The following ADSL variants were observed in gnomAD, a reference collection of about 807,000 sequenced individuals.
The protein encoded by ADSL is adenylosuccinate lyase, also known as adenylosuccinase.
Under a neutral mutation model 62.1 loss-of-function variants are expected in ADSL, and 44 were observed. The ratio of observed to expected loss-of-function variants is 0.71; its 90% CI spans 0.56 to 0.91. ADSL has a LOEUF of 0.91. Ranked by LOEUF, ADSL falls within the 40% of genes least tolerant of loss-of-function variation. The pLI, the probability that ADSL is intolerant of heterozygous loss-of-function variation, is 0.00. For synonymous variants in ADSL, 198 were observed against 220.5 expected (o/e 0.90, Z 0.90); for missense variants, 531 against 627.4 (o/e 0.85, Z 1.64).
intron 8 of ADSL, 22 bp from the exon 9 acceptor site, chr22:40,361,466 T>C (rs1218862580): frequency 1.2e-6 from 2 of 1,614,222 alleles, no homozygotes; most frequent in Non-Finnish European, 1.7e-6. Flanking sequence ...CTTTGCATCT[T>C]GTCCTTTTTT....
chr22:40,386,412 G>A (rs1353515024), intron 2 of ADSL, among the ~76,000 whole-genome samples: 2 of 152,240 alleles, frequency 1.3e-5, no homozygotes, highest in South Asian at 4.2e-4. Context: ...TGTTGGTAAT[G>A]ATGCTGATCT....
At position 40,364,360 on chromosome 22, in the gene ADSL, C is replaced by T. The variant is rs755492501; in HGVS notation, c.1186C>T (p.Arg396Cys). 1.2e-5 allele frequency: 19 copies of T among 1,613,588 alleles called. No individual in the cohort carries two copies. The highest frequency in any genetic ancestry group is 3.3e-5 in the South Asian group (3 of 90,970). The change falls in exon 11 of 13, where the codon CGC becomes TGC. Residue 396 changes from arginine (R) to cysteine (C), a missense_variant. Transcript: ENST00000623063. ...GGCCATGGTCAAAGCTGGAGGTAGC[C>T]GCCAGGTTTGTAACCCCTCATGTTC... Reference protein sequence around the residue: ...IMAMVKAGGSRQDCHEKIRVL... With the variant: ...IMAMVKAGGSCQDCHEKIRVL...
chr22:40,349,801 A>T, intron 1 of ADSL, 31 bp from the exon 2 acceptor site: 1 of 1,586,332 alleles, frequency 6.3e-7, no homozygotes, highest in Non-Finnish European at 8.7e-7. Flanking sequence ...TGACACTGAG[A>T]CTATTTTATT....
At chr22:40,362,435 C>T (rs2044826942) in intron 9 of ADSL, among the ~76,000 whole-genome samples, 1 of 152,196 alleles carries the variant, frequency 6.6e-6, no homozygotes, top group Non-Finnish European at 1.5e-5. Flanking sequence ...TGCTAAAAGA[C>T]CCTAGCAACA....
downstream of ADSL, among the ~76,000 whole-genome samples, chr22:40,374,213 AAG>A (rs1178388887): frequency 2.0e-5 from 3 of 152,164 alleles, no homozygotes; most frequent in African/African-American, 7.2e-5. Flanking sequence ...CGGCCTCCCA[AAG>A]TGCTGGGATT....
chr22:40,362,466 G>A (rs2044828748), intron 9 of ADSL, among the ~76,000 whole-genome samples: 1 of 152,220 alleles, frequency 6.6e-6, no homozygotes, highest in Non-Finnish European at 1.5e-5. Flanking sequence ...TTGGCTGTAA[G>A]GAGACAGGGA....
Position 40,369,315 on chromosome 22 carries a change from A to G in ADSL, c.*2793A>G, listed in dbSNP as rs1601606978. 1 of 151,954 alleles carries G rather than the reference A, an allele frequency of 6.6e-6. No homozygotes were observed. Among genetic ancestry groups the G allele is most frequent in the Non-Finnish European group, 1.5e-5 (1 of 67,964 alleles). The allele number at this position is 151,954 out of a possible 1,614,324, so 9.4% of individuals were successfully genotyped here. On this transcript the variant is annotated 3_prime_UTR_variant, in exon 13 of 13. Transcript: ENST00000623063. ...CATTCTCCTTTATTTTTGTATTTAC[A>G]TACTTGTATGCAACTTTGTAATCTG...
chr22:40,348,465 C>T (rs1381166548), intron 1 of ADSL: 1 of 398,436 alleles, frequency 2.5e-6, no homozygotes, highest in Non-Finnish European at 4.4e-6. Flanking sequence ...CTCGTTACAA[C>T]CTCTGCATCC....
downstream of ADSL, among the ~76,000 whole-genome samples, chr22:40,370,048 T>C (rs149072957): frequency 1.4e-4 from 21 of 152,088 alleles, no homozygotes; most frequent in African/African-American, 4.6e-4. Flanking sequence ...CTCAGAAAAT[T>C]TCGTTTTCCG....
In ADSL at chr22:40,368,725, G is replaced by T. The variant is rs1174432840; in HGVS notation, c.*2203G>T. 1 of 152,126 alleles carries T rather than the reference G, an allele frequency of 6.6e-6. No homozygotes were observed. Among genetic ancestry groups the T allele is most frequent in the Non-Finnish European group, 1.5e-5 (1 of 68,076 alleles). The allele number at this position is 152,126 out of a possible 1,614,324, so 9.4% of individuals were successfully genotyped here. On this transcript the variant is annotated 3_prime_UTR_variant, in exon 13 of 13. Coordinates refer to ENST00000623063, the MANE Select transcript of ADSL (RefSeq NM_000026.4). ...GTGGATCACCTGAGGTCAGGAGTTC[G>T]AGACCAGCTTGACCGACAAGGTGAA...
chr22:40,363,182 C>A, intron 10 of ADSL, 111 bp downstream of exon 10: 1 of 972,570 alleles, frequency 1.0e-6, no homozygotes, highest in Non-Finnish European at 1.6e-6. Flanking sequence ...AGGCATTCTT[C>A]CCACCCGAGC....
chr22:40,366,762 A>G lies in ADSL; in HGVS notation c.*240A>G, dbSNP rs1301584170. 2.2e-6 allele frequency: 1 copy of G among 465,000 alleles called. No individual in the cohort carries two copies. The highest frequency in any genetic ancestry group is 4.0e-6 in the Non-Finnish European group (1 of 252,840). 28.8% of individuals were successfully genotyped at this position (465,000 alleles called of 1,614,324 possible). A position where few individuals can be genotyped will look rare whatever the true frequency, so the allele number is the denominator to read the frequency against. On this transcript the variant is annotated 3_prime_UTR_variant, in exon 13 of 13. Coordinates refer to ENST00000623063, the MANE Select transcript of ADSL (RefSeq NM_000026.4). The stretch of plus-strand genomic sequence containing the variant: ...GTTCATACTTGATCTCTGTTCTTTC[A>G]AGGCATATTTTCCAGCTGCCTCAAG...
At chr22:40,360,375 C>A in intron 6 of ADSL, 27 bp from the exon 7 acceptor site, 3 of 1,584,892 alleles carry the variant, frequency 1.9e-6, no homozygotes, top group Non-Finnish European at 2.6e-6. Flanking sequence ...ATATTTTAAC[C>A]TAAGTCTCTC....
At chr22:40,360,100 A>AG (rs2044722151) in intron 6 of ADSL, among the ~76,000 whole-genome samples, 1 of 152,182 alleles carries the variant, frequency 6.6e-6, no homozygotes, top group Admixed American at 6.5e-5. Flanking sequence ...ATTAGTGAAA[A>AG]GGGTGGAAGA....
At chr22:40,347,489 C>T (rs2044186553) in intron 1 of ADSL, 1 of 152,232 alleles carries the variant, frequency 6.6e-6, no homozygotes, top group Non-Finnish European at 1.5e-5. Flanking sequence ...TAATGTTTCT[C>T]CTCAAGTTTC....
chr22:40,364,872 C>T lies in ADSL; in HGVS notation c.1192-8C>T. The T allele has an allele frequency of 6.2e-7, 1 of 1,614,180 alleles. No individual in the cohort carries two copies. The highest frequency in any genetic ancestry group is 8.5e-7 in the Non-Finnish European group (1 of 1,180,004). ...TAGGGAACTGACAATACTTCACTGTCTTCCCAGGATTGCCATGAGAAAATC... is the reference window on the plus strand; with the variant it reads ...TAGGGAACTGACAATACTTCACTGTTTTCCCAGGATTGCCATGAGAAAATC... On this transcript the variant is annotated splice_polypyrimidine_tract_variant and splice_region_variant and intron_variant, in intron 11 of 12. Transcript: ENST00000623063.
At chr22:40,348,377 A>G (rs772690287) in intron 1 of ADSL, 6 of 397,500 alleles carry the variant, frequency 1.5e-5, no homozygotes, top group Non-Finnish European at 2.2e-5. Context: ...CTGACTTTTT[A>G]CTTTTATTTA....
chr22:40,354,449 T>C (rs2044472335), intron 4 of ADSL, 122 bp downstream of exon 4: 1 of 831,116 alleles, frequency 1.2e-6, no homozygotes, highest in African/African-American at 1.7e-5. Context: ...TATAAGTAAT[T>C]TGGGATGCTT....
rs2045015848 is a variant in ADSL, at chr22:40,366,582, C to T, written c.*60C>T. 2 of 1,228,380 alleles carry T rather than the reference C, an allele frequency of 1.6e-6. No homozygotes were observed. The highest frequency in any genetic ancestry group is 2.4e-6 in the Non-Finnish European group (2 of 830,934). 76.1% of individuals were successfully genotyped at this position (1,228,380 alleles called of 1,614,324 possible). On this transcript the variant is annotated 3_prime_UTR_variant, in exon 13 of 13. Coordinates refer to ENST00000623063, the MANE Select transcript of ADSL (RefSeq NM_000026.4). ...TTGCTGAGGCATGAAAATTGTGTTA[C>T]TATAATGCCTTATTTTACCTCGAGA...
Sources: allele counts gnomAD v4.1 joint callset (sites outside exome capture counted in the v4.1 genomes callset), GRCh38; gene constraint gnomAD v4.1.1; transcripts MANE v1.5; gene names NCBI Gene and HGNC (gene_info 2026-07-23, HGNC 2026-07-21).